ENOX1: variants seen among roughly 807,000 people sequenced by gnomAD.
ENOX1 encodes candidate growth-related and time keeping constitutive hydroquinone (NADH) oxidase.
Under a neutral mutation model 82.5 loss-of-function variants are expected in ENOX1, and 42 were observed. The observed-to-expected ratio is 0.51, with a 90% CI of 0.40 to 0.66. ENOX1 has a LOEUF of 0.66. Among genes scored for constraint, ENOX1 ranks in the 30% least tolerant of loss-of-function variants. The pLI, the probability that ENOX1 is intolerant of heterozygous loss-of-function variation, is 0.00. For missense variants in ENOX1, 608 were observed against 811.6 expected (o/e 0.75, Z 3.05); for synonymous variants, 271 against 282.2 (o/e 0.96, Z 0.40).
intron 1 of ENOX1, among the ~76,000 whole-genome samples, chr13:43,743,518 A>G (rs955357805): frequency 6.6e-6 from 1 of 152,190 alleles, no homozygotes; most frequent in African/African-American, 2.4e-5. Flanking sequence ...AAGTTCTAGT[A>G]AAGCCTCTTG....
Position 43,786,880 on chromosome 13 carries a change from T to C in ENOX1, c.-513A>G, listed in dbSNP as rs2153862773. 6.7e-6 allele frequency: 1 copy of C among 150,198 alleles called. No homozygotes were observed. Among genetic ancestry groups the C allele is most frequent in the East Asian group, 2.1e-4 (1 of 4,854 alleles). 9.3% of individuals were successfully genotyped at this position (150,198 alleles called of 1,614,324 possible). ...CGTGGCGGCTGGAAGCCTGTGTGAG[T>C]AGCGGCGCCCGGGAGAGCGGGGATC... On this transcript the variant is annotated 5_prime_UTR_variant, in exon 1 of 17. Coordinates refer to ENST00000690772, the MANE Select transcript of ENOX1 (RefSeq NM_001347969.2). This position sits in a 1 kb window ranked among gnomAD's most constrained non-coding sequence, Gnocchi z 6.0.
intron 12 of ENOX1, among the ~76,000 whole-genome samples, chr13:43,289,121 T>C (rs1263089553): frequency 2.0e-5 from 3 of 152,194 alleles, no homozygotes; most frequent in Non-Finnish European, 4.4e-5. Context: ...GAAGAATCAA[T>C]GTCATAACAA....
intron 2 of ENOX1, among the ~76,000 whole-genome samples, chr13:43,593,127 A>G (rs1334686383): frequency 6.6e-6 from 1 of 152,208 alleles, no homozygotes; most frequent in African/African-American, 2.4e-5. Flanking sequence ...TGTAGAGAAG[A>G]CCAGCAGCCT....
chr13:43,226,748 G>A (rs904916915), intron 15 of ENOX1, among the ~76,000 whole-genome samples: 7 of 152,130 alleles, frequency 4.6e-5, no homozygotes, highest in East Asian at 1.9e-4. Flanking sequence ...GCTCCTAGTC[G>A]GAAGCTTTTT....
chr13:43,253,398 G>A (rs1316287477), intron 14 of ENOX1, among the ~76,000 whole-genome samples: 1 of 152,228 alleles, frequency 6.6e-6, no homozygotes, highest in Non-Finnish European at 1.5e-5. Context: ...AGATGGATGA[G>A]GTTGGAGATG....
intron 11 of ENOX1, among the ~76,000 whole-genome samples, chr13:43,317,837 C>T (rs2153523083): frequency 6.6e-6 from 1 of 151,862 alleles, no homozygotes; most frequent in East Asian, 1.9e-4. Flanking sequence ...AACCCCGTCT[C>T]TACTAAAAAT....
chr13:43,339,525 G>A (rs1360069217), intron 9 of ENOX1, among the ~76,000 whole-genome samples: 1 of 152,174 alleles, frequency 6.6e-6, no homozygotes, highest in African/African-American at 2.4e-5. Context: ...TGAGCCCTCC[G>A]TGTTTGGCTT....
intron 14 of ENOX1, among the ~76,000 whole-genome samples, chr13:43,247,846 TATATATATATATATATATATATATATA>T (rs1566328501): frequency 0.034 from 158 of 4,700 alleles, 17 homozygotes; most frequent in South Asian, 0.05. Flanking sequence ...TATATATATA[TATATATATATATATATATATATATATA>T]TATATATATA....
At chr13:43,757,447 G>T (rs533862074) in intron 1 of ENOX1, among the ~76,000 whole-genome samples, 3 of 152,310 alleles carry the variant, frequency 2.0e-5, no homozygotes, top group South Asian at 4.1e-4. Flanking sequence ...GACACATGTG[G>T]TTGTGTGGCT....
intron 2 of ENOX1, among the ~76,000 whole-genome samples, chr13:43,637,814 A>G (rs1292715496): frequency 6.6e-6 from 1 of 152,200 alleles, no homozygotes; most frequent in Non-Finnish European, 1.5e-5. Context: ...TAATTTGAAA[A>G]TGACAGACAC....
rs181309797 is a variant in ENOX1, at chr13:43,542,087, A to G, written c.-218-57935T>C. Among the ~76,000 whole-genome samples the G allele has an allele frequency of 2.7e-3, 406 of 152,304 alleles. 7 individuals carry two copies. The highest frequency in any genetic ancestry group is 3.1e-3 in the Non-Finnish European group (209 of 68,032). On this transcript the variant is annotated intron_variant, in intron 2 of 16. Coordinates refer to ENST00000690772, the MANE Select transcript of ENOX1 (RefSeq NM_001347969.2). ...ATACACTTCCCTCAACTGCAAAAAC[A>G]AACAGTAGAGATGCCAGAGGTCCCT...
At chr13:43,623,391 T>C (rs1483361072) in intron 2 of ENOX1, among the ~76,000 whole-genome samples, 1 of 152,178 alleles carries the variant, frequency 6.6e-6, no homozygotes. Flanking sequence ...AGGAATGGCC[T>C]GCTAGGGGAC....
intron 8 of ENOX1, among the ~76,000 whole-genome samples, chr13:43,348,340 A>G (rs1465277813): frequency 6.6e-6 from 1 of 152,240 alleles, no homozygotes; most frequent in East Asian, 1.9e-4. Flanking sequence ...ATATGAGAAT[A>G]AAATTTCCAA....
chr13:43,230,939 A>AC (rs987681514), intron 15 of ENOX1, among the ~76,000 whole-genome samples: 14 of 151,922 alleles, frequency 9.2e-5, no homozygotes, highest in Non-Finnish European at 1.6e-4. Flanking sequence ...ACTCCCCACT[A>AC]CCCCCAGGCT....
intron 1 of ENOX1, among the ~76,000 whole-genome samples, chr13:43,733,665 A>G (rs888960402): frequency 1.3e-5 from 2 of 152,170 alleles, no homozygotes; most frequent in African/African-American, 2.4e-5. Flanking sequence ...ATCCTTCACT[A>G]AAAGACTTTC....
chr13:43,433,077 T>C (rs2055783885), intron 3 of ENOX1, among the ~76,000 whole-genome samples: 1 of 152,178 alleles, frequency 6.6e-6, no homozygotes, highest in Non-Finnish European at 1.5e-5. Flanking sequence ...TATAACAGAA[T>C]ACCCGAGGCC....
chr13:43,619,469 A>ATT (rs372570891), intron 2 of ENOX1, among the ~76,000 whole-genome samples: 9 of 151,686 alleles, frequency 5.9e-5, no homozygotes, highest in African/African-American at 2.2e-4. Context: ...GGGGTGCTGG[A>ATT]TTTTTTTCAA....
At chr13:43,538,099 C>T (rs2078544280) in intron 2 of ENOX1, among the ~76,000 whole-genome samples, 1 of 152,236 alleles carries the variant, frequency 6.6e-6, no homozygotes, top group Admixed American at 6.5e-5. Context: ...GGGTTCAACC[C>T]ATCTGATCAG....
intron 5 of ENOX1, among the ~76,000 whole-genome samples, chr13:43,374,685 CTA>C (rs1456783344): frequency 2.0e-5 from 3 of 152,174 alleles, no homozygotes; most frequent in African/African-American, 7.2e-5. Context: ...TTATGCAGTG[CTA>C]TGTTTTCAAA....
Sources: allele counts gnomAD v4.1 joint callset (sites outside exome capture counted in the v4.1 genomes callset), GRCh38; gene constraint gnomAD v4.1.1; non-coding constraint Gnocchi (gnomAD v3.1); transcripts MANE v1.5; gene names NCBI Gene and HGNC (gene_info 2026-07-23, HGNC 2026-07-21).